PACS2: variants seen among roughly 807,000 people sequenced by gnomAD.
PACS2 encodes phosphofurin acidic cluster sorting protein 2, also known as PACS1-like protein.
A neutral mutation model predicts 113.0 loss-of-function variants in PACS2; 36 were observed. The ratio of observed to expected loss-of-function variants is 0.32; its 90% CI spans 0.24 to 0.42. PACS2 has a LOEUF of 0.42. Ranked by LOEUF, PACS2 falls within the 10% of genes least tolerant of loss-of-function variation. The pLI is 1.00. For missense variants in PACS2, 1,015 were observed against 1,239.5 expected (o/e 0.82, Z 2.72); for synonymous variants, 589 against 536.1 (o/e 1.10, Z -1.36).
intron 1 of PACS2, among the ~76,000 whole-genome samples, chr14:105,320,600 C>T (rs1011028198): frequency 1.1e-4 from 17 of 152,196 alleles, no homozygotes; most frequent in Non-Finnish European, 2.5e-4. Flanking sequence ...ACCTTGGCCT[C>T]TCAAAGAGCT....
Position 105,330,730 on chromosome 14 carries a change from A to G in PACS2, c.119+15693A>G, listed in dbSNP as rs2059277440. ...TCTTTTCTCAGGCAATCGCCATGGT[A>G]CCCAGGGCTGGCCTTGTTTCAGCTT... On this transcript the variant is annotated intron_variant, in intron 1 of 24. Coordinates refer to ENST00000447393, the MANE Select transcript of PACS2 (RefSeq NM_001100913.3). The surrounding 1 kb of genome is among the most constrained non-coding windows in gnomAD (Gnocchi z 6.9). 6.6e-6 allele frequency among the ~76,000 whole-genome samples: 1 copy of G among 152,214 alleles called. No homozygotes were observed. Among genetic ancestry groups the G allele is most frequent in the Non-Finnish European group, 1.5e-5 (1 of 68,034 alleles).
Position 105,329,775 on chromosome 14 carries a change from G to A in PACS2, c.119+14738G>A, listed in dbSNP as rs143989410. Among the ~76,000 whole-genome samples, 10 of 152,320 alleles carry A rather than the reference G, an allele frequency of 6.6e-5. No homozygotes were observed. In the East Asian group the frequency reaches 1.7e-3, roughly 26 times the overall value. ...ACTGCAGGCAGCAGCAAACTCTGCC[G>A]TGTGGTACTGCTTCTCATGGACAGG... On this transcript the variant is annotated intron_variant, in intron 1 of 24. Transcript: ENST00000447393. The surrounding 1 kb of genome is among the most constrained non-coding windows in gnomAD (Gnocchi z 6.4).
intron 4 of PACS2, among the ~76,000 whole-genome samples, chr14:105,363,127 C>T (rs1289678081): frequency 2.0e-5 from 3 of 152,192 alleles, no homozygotes; most frequent in African/African-American, 7.2e-5. Flanking sequence ...AGAACACAGA[C>T]AGTCGACTTT....
chr14:105,349,932 C>G (rs2060100315), intron 2 of PACS2, among the ~76,000 whole-genome samples: 1 of 150,586 alleles, frequency 6.6e-6, no homozygotes, highest in African/African-American at 2.5e-5. Flanking sequence ...AATGCAGGAC[C>G]CCGAGAACTT....
chr14:105,343,662 C>A (rs1458909470), intron 1 of PACS2, among the ~76,000 whole-genome samples: 1 of 149,864 alleles, frequency 6.7e-6, no homozygotes, highest in African/African-American at 2.5e-5. Context: ...ATCAATGTAT[C>A]TTTTCTGGTG....
chr14:105,325,672 G>C (rs889368967), intron 1 of PACS2, among the ~76,000 whole-genome samples: 2 of 152,244 alleles, frequency 1.3e-5, no homozygotes, highest in African/African-American at 2.4e-5. Context: ...TTCATCTTGG[G>C]GAGATGGCCA....
In PACS2 at chr14:105,330,424, A is replaced by G. The variant is rs1332879720; in HGVS notation, c.119+15387A>G. Among the ~76,000 whole-genome samples, 1 of 152,182 alleles carries G rather than the reference A, an allele frequency of 6.6e-6. No individual in the cohort carries two copies. The highest frequency in any genetic ancestry group is 1.5e-5 in the Non-Finnish European group (1 of 68,018). On this transcript the variant is annotated intron_variant, in intron 1 of 24. Transcript: ENST00000447393. The surrounding 1 kb of genome is among the most constrained non-coding windows in gnomAD (Gnocchi z 6.9). ...GCGTGTGGGTTCCGGGAGGCTCACTATAGTGATGTCCTGCCTTAGACGAGG... is the reference window on the plus strand; with the variant it reads ...GCGTGTGGGTTCCGGGAGGCTCACTGTAGTGATGTCCTGCCTTAGACGAGG...
chr14:105,316,279 A>G (rs2058623439), intron 1 of PACS2, among the ~76,000 whole-genome samples: 1 of 152,224 alleles, frequency 6.6e-6, no homozygotes, highest in African/African-American at 2.4e-5. Context: ...GGGGCCGAGC[A>G]CTGCAGATGT....
chr14:105,336,234 C>A lies in PACS2; in HGVS notation c.120-12259C>A, dbSNP rs587616230. On this transcript the variant is annotated intron_variant, in intron 1 of 24. Coordinates refer to ENST00000447393, the MANE Select transcript of PACS2 (RefSeq NM_001100913.3). Reference sequence around the variant, plus strand: ...CTGTGCTCTGTGCGCGCCCCCACCCCCTTGCCTGCCTGGAGGAAAGTGGTG... The same window carrying A: ...CTGTGCTCTGTGCGCGCCCCCACCCACTTGCCTGCCTGGAGGAAAGTGGTG... Among the ~76,000 whole-genome samples, 28 of 152,378 alleles carry A rather than the reference C, an allele frequency of 1.8e-4. No individual in the cohort carries two copies. The East Asian group carries it at 3.5e-3, about 19-fold the overall frequency.
chr14:105,314,940 G>A lies in PACS2; in HGVS notation c.22G>A (p.Gly8Ser). Residue 8 changes from glycine to serine, a missense_variant, in exon 1 of 25, where the codon GGC becomes AGC. Gly to Ser is a moderately conservative substitution (Grantham distance 56). Around this residue, in one of 3 missense-constraint regions of PACS2, gnomAD observed 140 missense variants for 135.1 expected, o/e 1.04. Transcript: ENST00000447393. Reference sequence around the variant, plus strand: ...CGCCATGGCCGAGCGAGGCCGCCTCGGCCTCCCCGGCGCGCCCGGCGCGCT... The same window carrying A: ...CGCCATGGCCGAGCGAGGCCGCCTCAGCCTCCCCGGCGCGCCCGGCGCGCT... The part of the protein sequence containing the change: MAERGRL[G>S]LPGAPGALNT... 3 of 1,150,822 alleles carry A rather than the reference G, an allele frequency of 2.6e-6. No homozygotes were observed. The highest frequency in any genetic ancestry group is 3.3e-6 in the Non-Finnish European group (3 of 920,464). The allele number at this position is 1,150,822 out of a possible 1,614,324, so 71.3% of individuals were successfully genotyped here. A position where few individuals can be genotyped will look rare whatever the true frequency, so the allele number is the denominator to read the frequency against.
intron 1 of PACS2, among the ~76,000 whole-genome samples, chr14:105,319,835 C>G (rs1458493880): frequency 6.6e-6 from 1 of 152,180 alleles, no homozygotes; most frequent in Non-Finnish European, 1.5e-5. Flanking sequence ...CTTAAAAAGT[C>G]TCATCCTATT....
upstream of PACS2, among the ~76,000 whole-genome samples, chr14:105,312,667 C>T (rs2058376702): frequency 6.6e-6 from 1 of 152,226 alleles, no homozygotes; most frequent in Admixed American, 6.5e-5. Context: ...AGCACAGCAT[C>T]ATTTTCCGAC....
chr14:105,369,691 G>A, intron 7 of PACS2, 150 bp from the exon 8 acceptor site: 1 of 648,392 alleles, frequency 1.5e-6, no homozygotes, highest in Non-Finnish European at 2.7e-6. Context: ...GCCTCTGGGA[G>A]CCACGAGCGA....
chr14:105,312,845 TC>T (rs1312937331), upstream of PACS2, among the ~76,000 whole-genome samples: 1 of 152,210 alleles, frequency 6.6e-6, no homozygotes, highest in Non-Finnish European at 1.5e-5. Context: ...GTGTTTCGTG[TC>T]CCTGCTTTCC....
chr14:105,316,218 A>T (rs993905225), intron 1 of PACS2, among the ~76,000 whole-genome samples: 5 of 151,442 alleles, frequency 3.3e-5, no homozygotes, highest in Admixed American at 1.3e-4. Flanking sequence ...GGGCCTCCCG[A>T]AGGACCCAGT....
chr14:105,363,023 T>C (rs180811214), intron 4 of PACS2, among the ~76,000 whole-genome samples: 99 of 152,340 alleles, frequency 6.5e-4, no homozygotes, highest in South Asian at 1.5e-3. Context: ...ACCTTTTTTT[T>C]CCCAAGCAAT....
chr14:105,363,679 C>G (rs889290796), intron 4 of PACS2, among the ~76,000 whole-genome samples: 1 of 152,168 alleles, frequency 6.6e-6, no homozygotes, highest in Non-Finnish European at 1.5e-5. Context: ...TTCCTGTGTT[C>G]GCTGGAGCAG....
At chr14:105,349,022 C>T (rs1168625510) in intron 2 of PACS2, among the ~76,000 whole-genome samples, 1 of 152,228 alleles carries the variant, frequency 6.6e-6, no homozygotes, top group Admixed American at 6.5e-5. Context: ...GGGCCTCTCT[C>T]CTGACCCTAG....
At chr14:105,319,525 CA>C (rs1281632902) in intron 1 of PACS2, among the ~76,000 whole-genome samples, 2 of 152,200 alleles carry the variant, frequency 1.3e-5, no homozygotes, top group African/African-American at 4.8e-5. Flanking sequence ...TATAGAAATT[CA>C]GTTGATTTTT....
Sources: allele counts gnomAD v4.1 joint callset (sites outside exome capture counted in the v4.1 genomes callset), GRCh38; gene constraint gnomAD v4.1.1; regional missense constraint gnomAD v4.1.1; non-coding constraint Gnocchi (gnomAD v3.1); transcripts MANE v1.5; gene names NCBI Gene and HGNC (gene_info 2026-07-23, HGNC 2026-07-21).